The following REDIC1 variants were observed in gnomAD, a reference collection of about 807,000 sequenced individuals.
REDIC1 encodes regulator of DNA class I crossover intermediates 1.
At chr12:39,786,892 C>A in the REDIC1 span, among the ~76,000 whole-genome samples, 1 of 152,174 alleles carries the variant, frequency 6.6e-6, no homozygotes, top group Non-Finnish European at 1.5e-5. Flanking sequence ...AGTTCTTTGT[C>A]CACTTACCTT....
At chr12:39,806,147 G>A in the REDIC1 span, among the ~76,000 whole-genome samples, 7 of 151,994 alleles carry the variant, frequency 4.6e-5, no homozygotes, top group South Asian at 2.1e-4. Context: ...CCGAGAACAC[G>A]ATTTCACAAA....
chr12:39,628,060 C>CT, the REDIC1 span, among the ~76,000 whole-genome samples: 1 of 152,086 alleles, frequency 6.6e-6, no homozygotes, highest in Non-Finnish European at 1.5e-5. Context: ...TGCAGAGAAT[C>CT]ATGTTTTTGG....
At chr12:39,759,745 G>C in the REDIC1 span, 4 of 351,220 alleles carry the variant, frequency 1.1e-5, no homozygotes, top group Non-Finnish European at 2.1e-5. Flanking sequence ...AAGTCACTGG[G>C]TACAATATTC....
the REDIC1 span, among the ~76,000 whole-genome samples, chr12:39,878,740 G>T: frequency 2.0e-5 from 3 of 152,172 alleles, no homozygotes; most frequent in South Asian, 4.1e-4. Context: ...GGCAGAAAAA[G>T]AAAAAAGCTT....
At chr12:39,644,264 T>A in the REDIC1 span, among the ~76,000 whole-genome samples, 2 of 151,770 alleles carry the variant, frequency 1.3e-5, no homozygotes, top group African/African-American at 4.8e-5. Flanking sequence ...TTAACTATTC[T>A]TTACTATTTA....
the REDIC1 span, among the ~76,000 whole-genome samples, chr12:39,782,345 G>A: frequency 8.6e-5 from 13 of 152,004 alleles, no homozygotes; most frequent in African/African-American, 3.1e-4. Flanking sequence ...TCATGGGGGC[G>A]GCCGGTCTTT....
At chr12:39,906,136 GA>G in the REDIC1 span, among the ~76,000 whole-genome samples, 1 of 1,296 alleles carries the variant, frequency 7.7e-4, no homozygotes, top group African/African-American at 1.7e-3. Flanking sequence ...ACAGAACTTT[GA>G]ACTTTGTTTT....
At chr12:39,797,194 C>A in the REDIC1 span, among the ~76,000 whole-genome samples, 1 of 152,108 alleles carries the variant, frequency 6.6e-6, no homozygotes, top group South Asian at 2.1e-4. Flanking sequence ...AGCATGCAAG[C>A]CTGATTTAAA....
At chr12:39,740,769 T>A in the REDIC1 span, among the ~76,000 whole-genome samples, 1 of 152,218 alleles carries the variant, frequency 6.6e-6, no homozygotes, top group Non-Finnish European at 1.5e-5. Context: ...AGATTATTTT[T>A]AATCTTCATA....
the REDIC1 span, chr12:39,745,779 C>T: frequency 6.6e-6 from 1 of 152,194 alleles, no homozygotes; most frequent in African/African-American, 2.4e-5. Context: ...CTATGCTATG[C>T]AGAGGTTCAC....
chr12:39,650,072 CTATT>C, the REDIC1 span, among the ~76,000 whole-genome samples: 1 of 151,552 alleles, frequency 6.6e-6, no homozygotes, highest in Non-Finnish European at 1.5e-5. The surrounding 1 kb of genome is among the most constrained non-coding windows in gnomAD (Gnocchi z 4.3). Context: ...TGTTAGGAAA[CTATT>C]TATTTTGTTT....
At chr12:39,883,783 C>T in the REDIC1 span, among the ~76,000 whole-genome samples, 7 of 152,274 alleles carry the variant, frequency 4.6e-5, no homozygotes, top group Middle Eastern at 6.8e-3. Context: ...TAGTTTTATG[C>T]ACATTATTTA....
the REDIC1 span, among the ~76,000 whole-genome samples, chr12:39,877,114 G>T: frequency 6.6e-6 from 1 of 151,930 alleles, no homozygotes. Context: ...TTTCCTATTG[G>T]GAGACTGTTT....
At chr12:39,766,811 G>A in the REDIC1 span, among the ~76,000 whole-genome samples, 6 of 152,092 alleles carry the variant, frequency 3.9e-5, no homozygotes, top group Admixed American at 6.6e-5. Context: ...CTCCTTATCC[G>A]TTCAAGTTTT....
the REDIC1 span, among the ~76,000 whole-genome samples, chr12:39,714,585 T>A: frequency 6.6e-6 from 1 of 151,854 alleles, no homozygotes; most frequent in Non-Finnish European, 1.5e-5. Flanking sequence ...TACCCATTAG[T>A]GGGACTGCTG....
the REDIC1 span, among the ~76,000 whole-genome samples, chr12:39,844,574 A>G: frequency 3.9e-5 from 6 of 152,062 alleles, no homozygotes; most frequent in Non-Finnish European, 8.8e-5. Flanking sequence ...AATATAAATA[A>G]TTAATCAAGA....
chr12:39,677,383 C>T, the REDIC1 span, among the ~76,000 whole-genome samples: 19,197 of 152,060 alleles, frequency 0.13, 1,361 homozygotes, highest in East Asian at 0.17. Flanking sequence ...ATTAGAACAA[C>T]AGGAAAATAT....
chr12:39,885,667 G>A, the REDIC1 span, among the ~76,000 whole-genome samples: 3 of 152,112 alleles, frequency 2.0e-5, no homozygotes, highest in Non-Finnish European at 2.9e-5. Context: ...CCTCCTCTGA[G>A]GAATTAATTC....
chr12:39,864,315 AAATGAAT>A, the REDIC1 span, among the ~76,000 whole-genome samples: 1 of 152,224 alleles, frequency 6.6e-6, no homozygotes, highest in Non-Finnish European at 1.5e-5. Flanking sequence ...CCTTCTGTTT[AAATGAAT>A]AAGAGGATAG....
Sources: allele counts gnomAD v4.1 joint callset (sites outside exome capture counted in the v4.1 genomes callset), GRCh38; gene constraint gnomAD v4.1.1; non-coding constraint Gnocchi (gnomAD v3.1); transcripts MANE v1.5; gene names NCBI Gene and HGNC (gene_info 2026-07-23, HGNC 2026-07-21).